The following DRD3 variants were observed in gnomAD, a reference collection of about 807,000 sequenced individuals.
DRD3 encodes the protein dopamine receptor D3.
DRD3 carries 19 observed loss-of-function variants against 36.3 expected under a neutral mutation model. That is an observed-to-expected ratio of 0.52 (90% CI 0.36 to 0.77). The LOEUF is 0.77. Ranked by LOEUF, DRD3 falls within the 30% of genes least tolerant of loss-of-function variation. DRD3 has a pLI of 0.00. For missense variants in DRD3, 465 were observed against 505.3 expected, an observed-to-expected ratio of 0.92 and a Z score of 0.77; for synonymous variants, 195 against 203.7, an observed-to-expected ratio of 0.96 and a Z score of 0.36.
intron 1 of DRD3, chr3:114,176,117 G>A (rs2077896230): frequency 1.3e-5 from 2 of 152,190 alleles, no homozygotes; most frequent in Admixed American, 1.3e-4. Flanking sequence ...CTGAATAACA[G>A]TCTTCCTGAA....
At chr3:114,185,387 A>G (rs1560004233) in intron 1 of DRD3, among the ~76,000 whole-genome samples, 1 of 152,046 alleles carries the variant, frequency 6.6e-6, no homozygotes, top group Admixed American at 6.5e-5. Flanking sequence ...TCTGCCTTTA[A>G]ATCTGTCTAG....
At position 114,128,870 on chromosome 3, in the gene DRD3, A is replaced by G; in HGVS notation, c.1049T>C (p.Val350Ala). ...VCWLPFFLTH[V>A]LNTHCQTCHV... ...GCATGTCTGGCAGTGGGTATTGAGA[A>G]CATGGGTCAAGAAGAAGGGCAGCCA... Residue 350 changes from valine to alanine, a missense_variant, in exon 7 of 7, where the codon GTT becomes GCT. Coordinates refer to ENST00000383673, the MANE Select transcript of DRD3 (RefSeq NM_000796.6). 6.2e-7 allele frequency: 1 copy of G among 1,611,150 alleles called. No homozygotes were observed. The highest frequency in any genetic ancestry group is 8.5e-7 in the Non-Finnish European group (1 of 1,178,678).
intron 5 of DRD3, among the ~76,000 whole-genome samples, chr3:114,136,421 G>C (rs983992594): frequency 3.3e-5 from 5 of 152,226 alleles, no homozygotes; most frequent in African/African-American, 1.2e-4. Context: ...GGATTCCTCT[G>C]GGTCTGGCTG....
intron 5 of DRD3, among the ~76,000 whole-genome samples, chr3:114,138,007 A>C (rs1173319415): frequency 6.9e-6 from 1 of 145,832 alleles, no homozygotes; most frequent in East Asian, 2.0e-4. Flanking sequence ...CAAAAAAAAA[A>C]AAAAAAAAAA....
In DRD3 at chr3:114,174,268, A is replaced by G. The variant is rs2077876163; in HGVS notation, c.-35-2241T>C. Among the ~76,000 whole-genome samples, 5 of 152,226 alleles carry G rather than the reference A, an allele frequency of 3.3e-5. No individual in the cohort carries two copies. In the South Asian group the frequency reaches 8.3e-4, roughly 25 times the overall value. On this transcript the variant is annotated intron_variant, in intron 1 of 6. Coordinates refer to ENST00000383673, the MANE Select transcript of DRD3 (RefSeq NM_000796.6). The stretch of plus-strand genomic sequence containing the variant: ...ACTTTTAAGGCAGGCTGAGGCCCAA[A>G]TGTCTTCCCTTTCACAACTGGGCCA...
chr3:114,175,077 T>TG (rs1439279279), intron 1 of DRD3, among the ~76,000 whole-genome samples: 2 of 152,042 alleles, frequency 1.3e-5, no homozygotes, highest in African/African-American at 2.4e-5. Context: ...CTGTGCATTG[T>TG]GGGGGGTTTA....
intron 5 of DRD3, among the ~76,000 whole-genome samples, chr3:114,134,303 G>A (rs755987359): frequency 6.6e-6 from 1 of 152,104 alleles, no homozygotes. Context: ...TTGCTATGTT[G>A]GCCAGGCTGG....
At chr3:114,140,584 G>T (rs1228651140) in intron 4 of DRD3, among the ~76,000 whole-genome samples, 1 of 152,206 alleles carries the variant, frequency 6.6e-6, no homozygotes, top group East Asian at 1.9e-4. Context: ...TATGAGACAG[G>T]TGCCATTATT....
intron 1 of DRD3, among the ~76,000 whole-genome samples, chr3:114,197,591 TTTA>T (rs140704084): frequency 0.15 from 22,570 of 152,150 alleles, 1,958 homozygotes; most frequent in Admixed American, 0.25. Context: ...TAATCTTAAA[TTTA>T]TTATTTCTTT....
intron 3 of DRD3, among the ~76,000 whole-genome samples, chr3:114,150,970 T>G (rs552954715): frequency 6.6e-6 from 1 of 152,350 alleles, no homozygotes; most frequent in Non-Finnish European, 1.5e-5. Context: ...CCATGCTGTA[T>G]GACAAAGGTG....
At position 114,128,088 on chromosome 3, in the gene DRD3, A is replaced by T. The variant is rs866921758; in HGVS notation, c.*628T>A. ...CCTTCTTAGCTAAAGCTAAAATACA[A>T]GGGTAGCAAAGTTTGAAATGAAGCC... On this transcript the variant is annotated 3_prime_UTR_variant, in exon 7 of 7. Coordinates refer to ENST00000383673, the MANE Select transcript of DRD3 (RefSeq NM_000796.6). 1.3e-5 allele frequency among the ~76,000 whole-genome samples: 2 copies of T among 152,208 alleles called. No homozygotes were observed. The highest frequency in any genetic ancestry group is 2.9e-5 in the Non-Finnish European group (2 of 68,028).
At chr3:114,139,788 T>TGCAG in intron 4 of DRD3, 92 bp from the exon 5 acceptor site, 1 of 1,195,874 alleles carries the variant, frequency 8.4e-7, no homozygotes, top group Non-Finnish European at 1.2e-6. Context: ...GTGTGGTGCC[T>TGCAG]GCACTTTCTG....
chr3:114,159,013 G>A (rs1409874294), intron 3 of DRD3, among the ~76,000 whole-genome samples: 1 of 152,010 alleles, frequency 6.6e-6, no homozygotes, highest in Non-Finnish European at 1.5e-5. Context: ...GCAGAGGAAA[G>A]GGGAAAGAAG....
intron 3 of DRD3, among the ~76,000 whole-genome samples, chr3:114,156,240 A>T (rs186380037): frequency 6.6e-6 from 1 of 152,170 alleles, no homozygotes; most frequent in Non-Finnish European, 1.5e-5. Flanking sequence ...TAAATCTCCA[A>T]CTACATCCCT....
upstream of DRD3, among the ~76,000 whole-genome samples, chr3:114,183,902 T>G (rs6787134): frequency 0.13 from 19,235 of 152,084 alleles, 1,318 homozygotes; most frequent in Middle Eastern, 0.21. Flanking sequence ...AATCATGTGT[T>G]TTTTATCCAT....
intron 2 of DRD3, among the ~76,000 whole-genome samples, chr3:114,160,384 A>G (rs973681221): frequency 6.6e-6 from 1 of 152,120 alleles, no homozygotes; most frequent in Non-Finnish European, 1.5e-5. Context: ...GTAGTTGGGA[A>G]TACAGGCATG....
At chr3:114,149,928 T>C (rs2077602154) in intron 3 of DRD3, among the ~76,000 whole-genome samples, 1 of 152,188 alleles carries the variant, frequency 6.6e-6, no homozygotes, top group Admixed American at 6.5e-5. Flanking sequence ...ACACCTTGAT[T>C]TCAGCCCTGT....
At chr3:114,131,584 G>A (rs2077431450) in intron 5 of DRD3, among the ~76,000 whole-genome samples, 184 bp from the exon 6 acceptor site, 1 of 152,150 alleles carries the variant, frequency 6.6e-6, no homozygotes, top group African/African-American at 2.4e-5. Context: ...ATTTGCTTTA[G>A]ACTTTACAAC....
At chr3:114,144,515 A>G (rs910711303) in intron 4 of DRD3, among the ~76,000 whole-genome samples, 14 of 152,216 alleles carry the variant, frequency 9.2e-5, no homozygotes, top group African/African-American at 3.4e-4. Context: ...GAAGCTGTAC[A>G]GTGAAGGTCA....
Sources: allele counts gnomAD v4.1 joint callset (sites outside exome capture counted in the v4.1 genomes callset), GRCh38; gene constraint gnomAD v4.1.1; transcripts MANE v1.5; gene names NCBI Gene and HGNC (gene_info 2026-07-23, HGNC 2026-07-21).